Variants in PDE1C observed in about 807,000 individuals in gnomAD.
PDE1C encodes the protein dual specificity calcium/calmodulin-dependent 3',5'-cyclic nucleotide phosphodiesterase 1C.
In PDE1C, 62 loss-of-function variants were observed where a neutral mutation model predicts 93.1. That is an observed-to-expected ratio of 0.67 (90% CI 0.54 to 0.82). The LOEUF (loss-of-function observed/expected upper bound fraction) is 0.82, where lower values mean the gene tolerates loss of function less well. Among genes scored for constraint, PDE1C ranks in the 40% least tolerant of loss-of-function variants. The pLI, the probability that PDE1C is intolerant of heterozygous loss-of-function variation, is 0.00. For missense variants in PDE1C, 742 were observed against 884.6 expected, an observed-to-expected ratio of 0.84 and a Z score of 2.04; for synonymous variants, 325 against 310.1, an observed-to-expected ratio of 1.05 and a Z score of -0.50.
chr7:31,986,323 G>A (rs987767132), intron 2 of PDE1C, among the ~76,000 whole-genome samples: 9 of 151,930 alleles, frequency 5.9e-5, no homozygotes, highest in South Asian at 4.2e-4. Context: ...GGCCTCTTCC[G>A]ATCTTGTAAA....
chr7:32,259,788 C>A (rs1179676230), intron 1 of PDE1C, among the ~76,000 whole-genome samples: 1 of 152,138 alleles, frequency 6.6e-6, no homozygotes, highest in East Asian at 1.9e-4. Flanking sequence ...GAGAACACTG[C>A]CCACAGAGGC....
chr7:32,426,004 G>A (rs942242963), intron 1 of PDE1C, among the ~76,000 whole-genome samples: 4 of 152,036 alleles, frequency 2.6e-5, no homozygotes, highest in African/African-American at 9.7e-5. Flanking sequence ...TCCTTTCATG[G>A]TTACATATGT....
chr7:32,266,236 C>T (rs539597773), intron 1 of PDE1C, among the ~76,000 whole-genome samples: 4 of 151,726 alleles, frequency 2.6e-5, no homozygotes, highest in Admixed American at 6.6e-5. Context: ...GAGCCGAGAT[C>T]GCGCCACTGC....
chr7:32,071,338 AC>A (rs1584699083), upstream of PDE1C: 42 of 984,784 alleles, frequency 4.3e-5, no homozygotes, highest in Non-Finnish European at 5.1e-5. Flanking sequence ...TCACTCTCGC[AC>A]CCGCCACAGA....
At chr7:32,329,027 T>C (rs1266285466) in intron 1 of PDE1C, among the ~76,000 whole-genome samples, 1 of 151,600 alleles carries the variant, frequency 6.6e-6, no homozygotes, top group Non-Finnish European at 1.5e-5. Context: ...AGCTCAGGAG[T>C]TTGAGACCAG....
At chr7:31,820,905 G>A (rs769623029) in intron 14 of PDE1C, 1 of 147,306 alleles carries the variant, frequency 6.8e-6, no homozygotes, top group Admixed American at 6.9e-5. Flanking sequence ...TGCTTTATAG[G>A]TATTACTTCT....
chr7:32,108,811 C>G (rs1798487955), intron 3 of PDE1C, among the ~76,000 whole-genome samples: 1 of 152,190 alleles, frequency 6.6e-6, no homozygotes, highest in Non-Finnish European at 1.5e-5. Flanking sequence ...CCTACAGACC[C>G]AGGCAGGCAA....
chr7:31,927,611 A>G (rs967075271), intron 2 of PDE1C, among the ~76,000 whole-genome samples: 1 of 152,194 alleles, frequency 6.6e-6, no homozygotes. Context: ...GCAGGCAGCA[A>G]TCTTTGCTTT....
the PDE1C span, among the ~76,000 whole-genome samples, chr7:31,706,791 A>C: frequency 6.6e-6 from 1 of 152,244 alleles, no homozygotes; most frequent in African/African-American, 2.4e-5. Context: ...ATAACCCTTT[A>C]TAATAATTGT....
At chr7:32,399,839 C>T (rs1784910391) in intron 1 of PDE1C, among the ~76,000 whole-genome samples, 1 of 152,024 alleles carries the variant, frequency 6.6e-6, no homozygotes, top group African/African-American at 2.4e-5. Flanking sequence ...CCATTTCGGC[C>T]TCTCAAAGTG....
intron 9 of PDE1C, among the ~76,000 whole-genome samples, chr7:31,846,070 A>G (rs1792536437): frequency 6.6e-6 from 1 of 152,072 alleles, no homozygotes; most frequent in Non-Finnish European, 1.5e-5. Context: ...ATGGTTTTGA[A>G]GGATTTGTGT....
Position 32,237,742 on chromosome 7 carries a change from G to GTATGTATA in PDE1C, c.86-28204_86-28203insTATACATA, listed in dbSNP as rs1554293053. 8.1e-3 allele frequency among the ~76,000 whole-genome samples: 254 copies of GTATGTATA among 31,254 alleles called. 4 individuals are homozygous for GTATGTATA. Among genetic ancestry groups the GTATGTATA allele is most frequent in the African/African-American group, 0.03 (237 of 7,990 alleles). 20.5% of individuals were successfully genotyped at this position (31,254 alleles called of 152,430 possible). A position where few individuals can be genotyped will look rare whatever the true frequency, so the allele number is the denominator to read the frequency against. On this transcript the variant is annotated intron_variant, in intron 1 of 18. Transcript: ENST00000396193. The stretch of plus-strand genomic sequence containing the variant: ...AGCCACTATCCGCACTTGGCTCTGT[G>GTATGTATA]TATATATATATATATATATACTTTT...
chr7:32,205,030 G>C (rs1031107223), intron 2 of PDE1C, among the ~76,000 whole-genome samples: 17 of 152,172 alleles, frequency 1.1e-4, no homozygotes, highest in African/African-American at 4.1e-4. Flanking sequence ...GGGGAGGAAG[G>C]CTGAAAACTC....
intron 2 of PDE1C, among the ~76,000 whole-genome samples, chr7:31,904,901 A>C (rs1800402716): frequency 6.6e-6 from 1 of 152,128 alleles, no homozygotes; most frequent in Admixed American, 6.6e-5. Context: ...CCTAGTTATT[A>C]TTCAACTAAT....
rs1306050039 is a variant in PDE1C at position 32,195,709 on chromosome 7, A to G, written c.136+13780T>C. On this transcript the variant is annotated intron_variant, in intron 2 of 18. Coordinates refer to the PDE1C transcript ENST00000396193. ...TCAAATTTTTAAAAATAAAATAATA[A>G]TAATAATAATGAATTTTGGCATGGG... 3.3e-5 allele frequency among the ~76,000 whole-genome samples: 5 copies of G among 152,142 alleles called. 1 individual carries two copies. The highest frequency in any genetic ancestry group is 7.2e-5 in the African/African-American group (3 of 41,438).
At chr7:32,093,243 A>G (rs772901449) in intron 3 of PDE1C, among the ~76,000 whole-genome samples, 4 of 152,208 alleles carry the variant, frequency 2.6e-5, no homozygotes, top group Non-Finnish European at 5.9e-5. Flanking sequence ...TGCAGTCACA[A>G]GAGTGGAGTC....
At chr7:31,642,813 G>A in the PDE1C span, 496 of 1,613,838 alleles carry the variant, frequency 3.1e-4, no homozygotes, top group Non-Finnish European at 3.8e-4. Flanking sequence ...AAAGTAGGGC[G>A]AGCATGTCTT....
At chr7:31,688,870 C>A in the PDE1C span, among the ~76,000 whole-genome samples, 3 of 152,176 alleles carry the variant, frequency 2.0e-5, no homozygotes, top group East Asian at 5.8e-4. Context: ...TCGATCAATA[C>A]TCTTTCATTC....
the PDE1C span, among the ~76,000 whole-genome samples, chr7:31,676,151 G>A: frequency 2.0e-5 from 3 of 152,206 alleles, no homozygotes; most frequent in Non-Finnish European, 4.4e-5. Context: ...CGCCAGTGCA[G>A]CTAAGCCAAG....
Sources: allele counts gnomAD v4.1 joint callset (sites outside exome capture counted in the v4.1 genomes callset), GRCh38; gene constraint gnomAD v4.1.1; transcripts MANE v1.5; gene names NCBI Gene and HGNC (gene_info 2026-07-23, HGNC 2026-07-21).